Variants in MBD5 observed in about 807,000 individuals in gnomAD.
The protein encoded by MBD5 is methyl-CpG-binding domain protein 5.
A neutral mutation model predicts 117.3 loss-of-function variants in MBD5; 13 were observed. That is an observed-to-expected ratio of 0.11 (90% CI 0.07 to 0.18). The LOEUF (loss-of-function observed/expected upper bound fraction) is 0.18. MBD5 is among the 10% of genes least tolerant of loss of function. MBD5 has a pLI of 1.00. For synonymous variants in MBD5, 727 were observed against 766.4 expected (o/e 0.95, Z 0.85); for missense variants, 1,879 against 2,093.8 (o/e 0.90, Z 2.00).
intron 3 of MBD5, among the ~76,000 whole-genome samples, chr2:148,292,208 G>T (rs544596879): frequency 2.0e-5 from 3 of 152,236 alleles, no homozygotes; most frequent in African/African-American, 7.2e-5. Flanking sequence ...AGCAAAAATG[G>T]ACAAGTGGGA....
At chr2:148,430,855 G>T (rs1464804210) in intron 4 of MBD5, among the ~76,000 whole-genome samples, 1 of 152,178 alleles carries the variant, frequency 6.6e-6, no homozygotes, top group East Asian at 1.9e-4. Context: ...AGCAAGAAAA[G>T]TCCTCTTACC....
intron 4 of MBD5, among the ~76,000 whole-genome samples, chr2:148,343,058 T>G (rs1236896825): frequency 6.6e-6 from 1 of 152,046 alleles, no homozygotes; most frequent in East Asian, 1.9e-4. Flanking sequence ...TTAATTATCT[T>G]AGGATAATGG....
intron 4 of MBD5, among the ~76,000 whole-genome samples, chr2:148,443,834 CACA>C (rs1706407422): frequency 6.6e-6 from 1 of 151,048 alleles, no homozygotes; most frequent in African/African-American, 2.5e-5. Context: ...TATTTGCTAG[CACA>C]ACAAGGTGGC....
intron 1 of MBD5, among the ~76,000 whole-genome samples, chr2:148,156,761 A>G (rs1176878759): frequency 6.6e-6 from 1 of 152,238 alleles, no homozygotes; most frequent in Non-Finnish European, 1.5e-5. Flanking sequence ...TTGACCAAAA[A>G]CTAATGATAA....
intron 3 of MBD5, among the ~76,000 whole-genome samples, chr2:148,281,779 G>A (rs1437151726): frequency 1.3e-5 from 2 of 151,992 alleles, no homozygotes; most frequent in Non-Finnish European, 2.9e-5. Context: ...TCCCTCCTCT[G>A]TCTTCCTGGT....
Position 148,141,309 on chromosome 2 carries a change from G to A in MBD5, c.-924-37391G>A, listed in dbSNP as rs1697307587. On this transcript the variant is annotated intron_variant, in intron 1 of 13. Transcript: ENST00000642680. ...CAAGATCTTCAGGTTCTTGCAATTGGAGACACTCCTACAAATAGGCCATCT... is the reference window on the plus strand; with the variant it reads ...CAAGATCTTCAGGTTCTTGCAATTGAAGACACTCCTACAAATAGGCCATCT... 2.6e-5 allele frequency among the ~76,000 whole-genome samples: 4 copies of A among 152,064 alleles called. No individual in the cohort carries two copies. The South Asian group carries it at 8.3e-4, about 31-fold the overall frequency.
intron 3 of MBD5, among the ~76,000 whole-genome samples, chr2:148,291,027 TTATC>T (rs1323644741): frequency 6.6e-6 from 1 of 152,216 alleles, no homozygotes; most frequent in Non-Finnish European, 1.5e-5. Flanking sequence ...CATGCTTTAT[TTATC>T]TGTCATGTCT....
chr2:148,363,769 A>T (rs757263285), intron 4 of MBD5, among the ~76,000 whole-genome samples: 5 of 152,146 alleles, frequency 3.3e-5, no homozygotes, highest in Non-Finnish European at 5.9e-5. Context: ...AACTTAATGA[A>T]ATAAAGTGTG....
At chr2:148,284,213 T>C (rs568061289) in intron 3 of MBD5, among the ~76,000 whole-genome samples, 1 of 152,360 alleles carries the variant, frequency 6.6e-6, no homozygotes, top group South Asian at 2.1e-4. Context: ...ATCAGAAGTA[T>C]ATGCCATTGC....
rs1296321326 is a variant in MBD5 at position 148,345,498 on chromosome 2, CATACAT to C, written c.-557+3171_-557+3176del. On this transcript the variant is annotated intron_variant, in intron 4 of 13. Transcript: ENST00000642680. ...ACATACATATACATATGTATATACA[CATACAT>C]ATACATATGTATATACACATACATA... Among the ~76,000 whole-genome samples the C allele has an allele frequency of 2.9e-3, 132 of 45,694 alleles. 4 individuals are homozygous for C. The highest frequency in any genetic ancestry group is 7.1e-3 in the African/African-American group (74 of 10,482). The allele number at this position is 45,694 out of a possible 152,430, so 30.0% of individuals were successfully genotyped here.
chr2:148,389,278 ATATATATATATATATATATATATAT>A (rs2105513799), intron 4 of MBD5, among the ~76,000 whole-genome samples: 1 of 94,388 alleles, frequency 1.1e-5, no homozygotes, highest in African/African-American at 3.9e-5. Flanking sequence ...ATATATATAT[ATATATATATATATATATATATATAT>A]AACATTTTCT....
intron 3 of MBD5, among the ~76,000 whole-genome samples, chr2:148,261,315 G>C (rs988590253): frequency 2.0e-5 from 3 of 152,198 alleles, no homozygotes; most frequent in Non-Finnish European, 2.9e-5. Flanking sequence ...TAGATAGATA[G>C]CTGTTTCAAC....
At chr2:148,107,782 C>T (rs893402419) in intron 1 of MBD5, among the ~76,000 whole-genome samples, 2 of 151,898 alleles carry the variant, frequency 1.3e-5, no homozygotes, top group Non-Finnish European at 2.9e-5. Flanking sequence ...AGGATTGATT[C>T]TGTCACATAT....
intron 4 of MBD5, among the ~76,000 whole-genome samples, chr2:148,383,431 C>T (rs1398697342): frequency 6.6e-6 from 1 of 152,092 alleles, no homozygotes; most frequent in Non-Finnish European, 1.5e-5. Context: ...CCAAATAGAC[C>T]AATAACAGGC....
chr2:148,122,265 T>A (rs1466289330), intron 1 of MBD5, among the ~76,000 whole-genome samples: 1 of 152,146 alleles, frequency 6.6e-6, no homozygotes, highest in African/African-American at 2.4e-5. Flanking sequence ...CTCACTAAAT[T>A]TATTGACTTT....
At chr2:148,472,967 A>T (rs779438017) in intron 8 of MBD5, among the ~76,000 whole-genome samples, 1 of 152,170 alleles carries the variant, frequency 6.6e-6, no homozygotes, top group Non-Finnish European at 1.5e-5. Flanking sequence ...CTGAATCAGG[A>T]TTTGAACTGA....
At chr2:148,475,738 C>G (rs188452521) in intron 8 of MBD5, among the ~76,000 whole-genome samples, 3 of 152,238 alleles carry the variant, frequency 2.0e-5, no homozygotes. Flanking sequence ...TACACAGTTG[C>G]AAAACGTACC....
chr2:148,072,090 T>C (rs185362410), intron 1 of MBD5: 20 of 152,306 alleles, frequency 1.3e-4, no homozygotes, highest in Non-Finnish European at 2.5e-4. Flanking sequence ...TACTAGTGTT[T>C]ATTCACCTAG....
chr2:148,096,427 C>T (rs186281861), intron 1 of MBD5, among the ~76,000 whole-genome samples: 2 of 152,178 alleles, frequency 1.3e-5, no homozygotes, highest in Non-Finnish European at 2.9e-5. Context: ...AAAATGTCAA[C>T]AATGTGAGGT....
Sources: allele counts gnomAD v4.1 joint callset (sites outside exome capture counted in the v4.1 genomes callset), GRCh38; gene constraint gnomAD v4.1.1; transcripts MANE v1.5; gene names NCBI Gene and HGNC (gene_info 2026-07-23, HGNC 2026-07-21).